The following NELL2 variants were observed in gnomAD, a reference collection of about 807,000 sequenced individuals.
The protein encoded by NELL2 is protein kinase C-binding protein NELL2.
A neutral mutation model predicts 109.6 loss-of-function variants in NELL2; 41 were observed. That is an observed-to-expected ratio of 0.37 (90% CI 0.29 to 0.49). The LOEUF (loss-of-function observed/expected upper bound fraction) is 0.49. Ranked by LOEUF, NELL2 falls within the 20% of genes least tolerant of loss-of-function variation. The probability of loss-of-function intolerance (pLI) is 0.98; values close to 1 mark genes in which losing one functional copy is unlikely to be tolerated. For missense variants in NELL2, 900 were observed against 1,008.3 expected (o/e 0.89, Z 1.45); for synonymous variants, 355 against 344.7 (o/e 1.03, Z -0.33).
Position 44,860,334 on chromosome 12 carries a change from A to G in NELL2, c.184+14891T>C, listed in dbSNP as rs572541085. Among the ~76,000 whole-genome samples the G allele has an allele frequency of 5.3e-5, 8 of 152,352 alleles. No individual in the cohort carries two copies. The South Asian group carries it at 1.2e-3, about 24-fold the overall frequency. On this transcript the variant is annotated intron_variant, in intron 2 of 19. Transcript: ENST00000429094. ...TTGGTTATAAAATAAATAACTGCTA[A>G]TGTTCAAGATATATATTAGTTTTCT...
intron 2 of NELL2, among the ~76,000 whole-genome samples, chr12:44,856,182 C>T (rs1225248946): frequency 6.6e-6 from 1 of 152,148 alleles, no homozygotes; most frequent in Non-Finnish European, 1.5e-5. Flanking sequence ...AGAAGTCAAG[C>T]ATATTAATCT....
Position 44,679,402 on chromosome 12 carries a change from A to G in NELL2, c.1319-13793T>C, listed in dbSNP as rs186702841. Among the ~76,000 whole-genome samples, 8 of 152,310 alleles carry G rather than the reference A, an allele frequency of 5.3e-5. No homozygotes were observed. The East Asian group carries it at 7.7e-4, about 15-fold the overall frequency. ...CGAAAACTCTGCTGGGATGCACAGTAGAATTACCAAGCGGAGTACAGGACT... is the reference window on the plus strand; with the variant it reads ...CGAAAACTCTGCTGGGATGCACAGTGGAATTACCAAGCGGAGTACAGGACT... On this transcript the variant is annotated intron_variant, in intron 12 of 19. Transcript: ENST00000429094.
chr12:44,694,256 A>G (rs955152284), intron 12 of NELL2, among the ~76,000 whole-genome samples: 1 of 152,146 alleles, frequency 6.6e-6, no homozygotes, highest in African/African-American at 2.4e-5. Flanking sequence ...GAATAGAACA[A>G]AAAGACTGAG....
At chr12:44,758,020 A>C (rs1240807076) in intron 9 of NELL2, among the ~76,000 whole-genome samples, 3 of 151,336 alleles carry the variant, frequency 2.0e-5, no homozygotes. Flanking sequence ...CATCTGGTGA[A>C]AAATTGTCTT....
intron 1 of NELL2, among the ~76,000 whole-genome samples, chr12:44,907,911 C>T (rs1361195515): frequency 1.3e-5 from 2 of 152,034 alleles, no homozygotes; most frequent in East Asian, 3.9e-4. Flanking sequence ...TTCAGGCATC[C>T]TACAAGGCAG....
intron 15 of NELL2, among the ~76,000 whole-genome samples, chr12:44,597,656 A>G (rs960507176): frequency 6.6e-6 from 1 of 152,208 alleles, no homozygotes; most frequent in Admixed American, 6.5e-5. Flanking sequence ...CTTTATTAAT[A>G]TTCATGGACT....
At chr12:44,533,297 T>C (rs910315542) in intron 15 of NELL2, among the ~76,000 whole-genome samples, 1 of 152,166 alleles carries the variant, frequency 6.6e-6, no homozygotes, top group Non-Finnish European at 1.5e-5. Context: ...TCAACCTTAG[T>C]TGACACTCTA....
intron 1 of NELL2, among the ~76,000 whole-genome samples, chr12:44,885,412 C>G (rs1472495147): frequency 6.6e-6 from 1 of 152,146 alleles, no homozygotes; most frequent in East Asian, 1.9e-4. Context: ...GAGAAAGCTA[C>G]TGCAACTAGT....
Position 44,876,116 on chromosome 12 carries a change from C to T in NELL2, c.-247G>A. The T allele has an allele frequency of 7.6e-7, 1 of 1,317,200 alleles. No homozygotes were observed. The highest frequency in any genetic ancestry group is 1.5e-5 in the African/African-American group (1 of 67,250). 81.6% of individuals were successfully genotyped at this position (1,317,200 alleles called of 1,614,324 possible). On this transcript the variant is annotated 5_prime_UTR_variant, in exon 1 of 20. Coordinates refer to ENST00000429094, the MANE Select transcript of NELL2 (RefSeq NM_001145108.2). Reference sequence around the variant, plus strand: ...ACGCAGGGCCGAGGCGGCAGCGCGGCCCGGAGGGGGCCCGGAGGGAGGGGT... The same window carrying T: ...ACGCAGGGCCGAGGCGGCAGCGCGGTCCGGAGGGGGCCCGGAGGGAGGGGT...
intron 15 of NELL2, among the ~76,000 whole-genome samples, chr12:44,563,446 G>A (rs951194971): frequency 1.7e-4 from 26 of 152,044 alleles, no homozygotes; most frequent in African/African-American, 6.3e-4. Flanking sequence ...CTTTAAAAGT[G>A]ATATATTATT....
chr12:44,861,697 T>A (rs1944849500), intron 2 of NELL2, among the ~76,000 whole-genome samples: 1 of 152,088 alleles, frequency 6.6e-6, no homozygotes, highest in Non-Finnish European at 1.5e-5. Context: ...GCAGCGACCA[T>A]GGACTATGGC....
intron 2 of NELL2, among the ~76,000 whole-genome samples, chr12:44,837,181 G>C (rs1944079448): frequency 6.6e-6 from 1 of 152,198 alleles, no homozygotes; most frequent in Non-Finnish European, 1.5e-5. Context: ...AATTCACTAT[G>C]TTGGTACTAT....
intron 2 of NELL2, among the ~76,000 whole-genome samples, chr12:44,819,463 C>T (rs756756045): frequency 1.3e-5 from 2 of 152,166 alleles, no homozygotes; most frequent in Non-Finnish European, 2.9e-5. Context: ...AGTGATACTG[C>T]GCTATTAGTG....
chr12:44,859,806 C>T (rs1476597745), intron 2 of NELL2, among the ~76,000 whole-genome samples: 5 of 152,152 alleles, frequency 3.3e-5, no homozygotes, highest in Non-Finnish European at 5.9e-5. Context: ...CACTGAAAGT[C>T]GTTCACCTGC....
At chr12:44,705,219 T>C (rs1051222705) in intron 11 of NELL2, among the ~76,000 whole-genome samples, 5 of 152,072 alleles carry the variant, frequency 3.3e-5, no homozygotes, top group Non-Finnish European at 7.4e-5. Flanking sequence ...AATGCAACTA[T>C]GATGTATAGT....
intron 15 of NELL2, among the ~76,000 whole-genome samples, chr12:44,565,131 G>C (rs780327921): frequency 3.3e-5 from 5 of 152,072 alleles, no homozygotes; most frequent in African/African-American, 4.8e-5. Context: ...AAGTTTGAAA[G>C]CTGATGCACT....
At chr12:44,846,989 C>T (rs1340690748) in intron 2 of NELL2, among the ~76,000 whole-genome samples, 1 of 152,200 alleles carries the variant, frequency 6.6e-6, no homozygotes, top group Non-Finnish European at 1.5e-5. Flanking sequence ...TTTAAGCTCA[C>T]TTGTGGGAGT....
chr12:44,627,554 C>T (rs1423008463), intron 13 of NELL2, among the ~76,000 whole-genome samples: 1 of 152,070 alleles, frequency 6.6e-6, no homozygotes, highest in African/African-American at 2.4e-5. Context: ...TGAGAATACA[C>T]ACAGACACAA....
intron 15 of NELL2, among the ~76,000 whole-genome samples, chr12:44,534,321 G>A (rs1942208599): frequency 6.6e-6 from 1 of 151,950 alleles, no homozygotes; most frequent in African/African-American, 2.4e-5. Context: ...TAGGTAATAG[G>A]CAAAAAATAT....
Sources: allele counts gnomAD v4.1 joint callset (sites outside exome capture counted in the v4.1 genomes callset), GRCh38; gene constraint gnomAD v4.1.1; transcripts MANE v1.5; gene names NCBI Gene and HGNC (gene_info 2026-07-23, HGNC 2026-07-21).